The following POU3F3 variants were observed in gnomAD, a reference collection of about 807,000 sequenced individuals.
POU3F3 encodes the protein POU domain, class 3, transcription factor 3.
A neutral mutation model predicts 8.6 loss-of-function variants in POU3F3; 1 was observed. The ratio of observed to expected loss-of-function variants is 0.12; its 90% CI spans 0.04 to 0.55. POU3F3 has a LOEUF of 0.55. Among genes scored for constraint, POU3F3 ranks in the 20% least tolerant of loss-of-function variants. The pLI, the probability that POU3F3 is intolerant of heterozygous loss-of-function variation, is 0.91. For synonymous variants in POU3F3, 418 were observed against 327.4 expected, an observed-to-expected ratio of 1.28 and a Z score of -2.99; for missense variants, 577 against 690.7, an observed-to-expected ratio of 0.84 and a Z score of 1.84.
the POU3F3 span, among the ~76,000 whole-genome samples, chr2:104,873,983 A>T: frequency 6.6e-6 from 1 of 152,196 alleles, no homozygotes; most frequent in Admixed American, 6.5e-5. Context: ...TTGGCCTGTG[A>T]TGGAAAGTCC....
chr2:104,920,933 A>C, the POU3F3 span, among the ~76,000 whole-genome samples: 1 of 152,086 alleles, frequency 6.6e-6, no homozygotes, highest in African/African-American at 2.4e-5. Flanking sequence ...CCCCACATTC[A>C]TGTTCCAAGC....
chr2:104,875,846 A>T, the POU3F3 span, among the ~76,000 whole-genome samples: 1 of 152,086 alleles, frequency 6.6e-6, no homozygotes, highest in African/African-American at 2.4e-5. Context: ...CCTTCCAAGT[A>T]GCAGGGACTA....
At chr2:104,896,252 G>T in the POU3F3 span, among the ~76,000 whole-genome samples, 1 of 152,182 alleles carries the variant, frequency 6.6e-6, no homozygotes, top group Non-Finnish European at 1.5e-5. Context: ...GCTGGGTAGG[G>T]GTCCCTGCAT....
the POU3F3 span, among the ~76,000 whole-genome samples, chr2:104,923,371 G>C: frequency 1.3e-5 from 2 of 152,170 alleles, no homozygotes; most frequent in African/African-American, 4.8e-5. Flanking sequence ...ATGTAAGTTT[G>C]TAACACCAAT....
chr2:104,917,991 C>G, the POU3F3 span, among the ~76,000 whole-genome samples: 21 of 152,180 alleles, frequency 1.4e-4, no homozygotes, highest in African/African-American at 4.8e-4. Context: ...GCAAGACAAC[C>G]TGGAAATATG....
At position 104,855,459 on chromosome 2, in the gene POU3F3, T is replaced by TGCG. The variant is rs1220167134; in HGVS notation, c.-38_-36dup. The TGCG allele has an allele frequency of 2.0e-4, 159 of 788,504 alleles. No individual in the cohort carries two copies. The Middle Eastern group carries it at 2.7e-3, about 13-fold the overall frequency. The allele number at this position is 788,504 out of a possible 1,614,324, so 48.8% of individuals were successfully genotyped here. ...CGGCGGCGGCGGCCGCGGCTGCTGC[T>TGCG]GCGGCGGCGGCGGCGGTGGTGGCGG... On this transcript the variant is annotated 5_prime_UTR_variant, in exon 1 of 1. Coordinates refer to ENST00000361360, the MANE Select transcript of POU3F3 (RefSeq NM_006236.3).
At chr2:104,893,412 C>T in the POU3F3 span, among the ~76,000 whole-genome samples, 6 of 152,338 alleles carry the variant, frequency 3.9e-5, no homozygotes, top group African/African-American at 1.2e-4. Flanking sequence ...AGGCAAAACC[C>T]ACCACTGGGT....
At chr2:104,900,142 C>T in the POU3F3 span, among the ~76,000 whole-genome samples, 1 of 152,142 alleles carries the variant, frequency 6.6e-6, no homozygotes, top group African/African-American at 2.4e-5. Context: ...TCTAGTGACT[C>T]TAGGATGGGA....
At chr2:104,917,805 T>A in the POU3F3 span, among the ~76,000 whole-genome samples, 3 of 152,266 alleles carry the variant, frequency 2.0e-5, no homozygotes, top group Middle Eastern at 3.4e-3. Context: ...CCTCCCTTGC[T>A]GGGGGGTTGC....
chr2:104,869,149 T>C, the POU3F3 span, among the ~76,000 whole-genome samples: 2 of 152,216 alleles, frequency 1.3e-5, no homozygotes, highest in Non-Finnish European at 2.9e-5. Flanking sequence ...TTGGCCTGGG[T>C]TATGGCTGCT....
chr2:104,861,904 C>T (rs1002619374), downstream of POU3F3, among the ~76,000 whole-genome samples: 8 of 152,134 alleles, frequency 5.3e-5, no homozygotes, highest in East Asian at 1.9e-4. Context: ...GTAGGCTTGA[C>T]GTTGATTTCA....
the POU3F3 span, among the ~76,000 whole-genome samples, chr2:104,913,615 A>G: frequency 8.5e-5 from 13 of 152,218 alleles, no homozygotes; most frequent in Admixed American, 6.5e-5. Flanking sequence ...CACCCATCAG[A>G]GCACTCAGTA....
At chr2:104,910,036 AT>A in the POU3F3 span, among the ~76,000 whole-genome samples, 2 of 152,154 alleles carry the variant, frequency 1.3e-5, no homozygotes. Context: ...ACTTGACTGA[AT>A]TTTTCACCAT....
chr2:104,903,869 G>T, the POU3F3 span, among the ~76,000 whole-genome samples: 1 of 152,144 alleles, frequency 6.6e-6, no homozygotes, highest in Non-Finnish European at 1.5e-5. Flanking sequence ...TTAAGATTTG[G>T]TTCTGATTTT....
In POU3F3 at chr2:104,856,229, C is replaced by CCGGCGGCGG; in HGVS notation, c.731_739dup (p.Gly244_Gly246dup). ...GGCATGCTGAGCGCGCCACCGGGGCCCGGCGGCGGCGGCGGCGGCGCGGGC... is the reference window on the plus strand; with the variant it reads ...GGCATGCTGAGCGCGCCACCGGGGCCCGGCGGCGGCGGCGGCGGCGGCGGCGGCGCGGGC... On this transcript the variant is annotated inframe_insertion, in exon 1 of 1. Transcript: ENST00000361360. The CCGGCGGCGG allele has an allele frequency of 4.7e-6, 6 of 1,270,462 alleles. No homozygotes were observed. The highest frequency in any genetic ancestry group is 3.2e-5 in the East Asian group (1 of 30,796). The allele number at this position is 1,270,462 out of a possible 1,614,324, so 78.7% of individuals were successfully genotyped here.
the POU3F3 span, among the ~76,000 whole-genome samples, chr2:104,919,962 T>C: frequency 6.6e-6 from 1 of 152,208 alleles, no homozygotes. Context: ...TTATTTACAA[T>C]GGCTTTATTT....
the POU3F3 span, among the ~76,000 whole-genome samples, chr2:104,884,056 G>A: frequency 6.6e-6 from 1 of 152,168 alleles, no homozygotes; most frequent in Non-Finnish European, 1.5e-5. Context: ...TACCTGTGGG[G>A]ACTGATGAGA....
At chr2:104,907,930 AGTGT>A in the POU3F3 span, among the ~76,000 whole-genome samples, 1 of 151,940 alleles carries the variant, frequency 6.6e-6, no homozygotes, top group East Asian at 1.9e-4. Flanking sequence ...AATGTGTGAG[AGTGT>A]GTGTGTATGT....
At chr2:104,922,392 C>CAAAA in the POU3F3 span, among the ~76,000 whole-genome samples, 166 of 69,992 alleles carry the variant, frequency 2.4e-3, no homozygotes, top group African/African-American at 2.8e-3. Flanking sequence ...TGAAGATGCT[C>CAAAA]AAAAAAAAAA....
Sources: allele counts gnomAD v4.1 joint callset (sites outside exome capture counted in the v4.1 genomes callset), GRCh38; gene constraint gnomAD v4.1.1; transcripts MANE v1.5; gene names NCBI Gene and HGNC (gene_info 2026-07-23, HGNC 2026-07-21).